Variants in ZNF540 observed in about 807,000 individuals in gnomAD.
ZNF540 encodes zinc finger protein 540.
ZNF540 carries 3 observed loss-of-function variants against 11.8 expected under a neutral mutation model. The ratio of observed to expected loss-of-function variants is 0.25; its 90% CI spans 0.12 to 0.65. The LOEUF (loss-of-function observed/expected upper bound fraction) is 0.65, where lower values mean the gene tolerates loss of function less well. Ranked by LOEUF, ZNF540 falls within the 30% of genes least tolerant of loss-of-function variation. The pLI, the probability that ZNF540 is intolerant of heterozygous loss-of-function variation, is 0.83. For synonymous variants in ZNF540, 247 were observed against 259.0 expected (o/e 0.95, Z 0.45); for missense variants, 709 against 793.1 (o/e 0.89, Z 1.27).
At chr19:37,563,648 C>G (rs188374621) in intron 1 of ZNF540, 2 of 149,936 alleles carry the variant, frequency 1.3e-5, no homozygotes, top group South Asian at 2.1e-4. Flanking sequence ...TATATACACA[C>G]GTGGAATGTA....
At chr19:37,552,788 A>G (rs538745542) in intron 1 of ZNF540, among the ~76,000 whole-genome samples, 81 of 152,122 alleles carry the variant, frequency 5.3e-4, no homozygotes, top group Middle Eastern at 6.8e-3. Context: ...TCTCTACCAA[A>G]AATACAAAAT....
Position 37,598,471 on chromosome 19 carries a change from C to T in ZNF540, c.9+15C>T, listed in dbSNP as rs1174973598. On this transcript the variant is annotated intron_variant, in intron 2 of 4. Coordinates refer to ENST00000316433, the MANE Select transcript of ZNF540 (RefSeq NM_001172225.3). ...CCATGGCCCATGTAAGTCACAGTTT[C>T]TCTTTCCTTTTTAGATTATTTTGTT... 3 of 1,613,650 alleles carry T rather than the reference C, an allele frequency of 1.9e-6. No homozygotes were observed. The highest frequency in any genetic ancestry group is 1.7e-6 in the Non-Finnish European group (2 of 1,179,720).
chr19:37,592,779 C>T (rs1175573585), upstream of ZNF540, among the ~76,000 whole-genome samples: 1 of 152,052 alleles, frequency 6.6e-6, no homozygotes, highest in South Asian at 2.1e-4. Flanking sequence ...TATGAAGGAA[C>T]GGAAAACAAA....
At chr19:37,582,658 T>C (rs1158099888) in intron 1 of ZNF540, among the ~76,000 whole-genome samples, 1 of 152,178 alleles carries the variant, frequency 6.6e-6, no homozygotes, top group Non-Finnish European at 1.5e-5. Flanking sequence ...GCATATCAAA[T>C]ACGTAACTCT....
At chr19:37,574,029 G>A (rs2043158407) in intron 1 of ZNF540, among the ~76,000 whole-genome samples, 2 of 152,138 alleles carry the variant, frequency 1.3e-5, no homozygotes, top group Middle Eastern at 6.8e-3. Flanking sequence ...CTTCACATCT[G>A]TACACATGTA....
intron 1 of ZNF540, chr19:37,597,451 G>A (rs1165275702): frequency 1.3e-5 from 2 of 152,282 alleles, no homozygotes; most frequent in Non-Finnish European, 2.9e-5. Context: ...TTTTGAGACG[G>A]AGTTTCAATC....
chr19:37,570,564 G>C (rs1459172290), intron 1 of ZNF540, among the ~76,000 whole-genome samples: 1 of 152,138 alleles, frequency 6.6e-6, no homozygotes, highest in Non-Finnish European at 1.5e-5. Context: ...GTATTCTGTA[G>C]TCTCTTTGGA....
At position 37,613,400 on chromosome 19, in the gene ZNF540, C is replaced by T. The variant is rs528267969; in HGVS notation, c.*137C>T. 6 of 610,280 alleles carry T rather than the reference C, an allele frequency of 9.8e-6. No homozygotes were observed. The highest frequency in any genetic ancestry group is 1.5e-5 in the Non-Finnish European group (6 of 398,268). 37.8% of individuals were successfully genotyped at this position (610,280 alleles called of 1,614,324 possible). ...TATGAGTCTTAAATACCTCTTAGTT[C>T]TCATTAAATTTAGGAAAATTCACAC... On this transcript the variant is annotated 3_prime_UTR_variant, in exon 5 of 5. Coordinates refer to ENST00000316433, the MANE Select transcript of ZNF540 (RefSeq NM_001172225.3).
intron 1 of ZNF540, chr19:37,583,910 A>C: frequency 1.3e-6 from 2 of 1,517,010 alleles, no homozygotes; most frequent in Non-Finnish European, 1.8e-6. Context: ...TCAGAAATTC[A>C]CAATGAATGA....
chr19:37,565,208 A>T lies in ZNF540; in HGVS notation c.-73+13543A>T, dbSNP rs1290385706. The T allele has an allele frequency of 3.7e-6, 6 of 1,612,822 alleles. No individual in the cohort carries two copies. In the Admixed American group the frequency reaches 8.4e-5, roughly 22 times the overall value. ...TCCGGTATGAATTCTTTGATGTTGA[A>T]TAAGATTAGAATTAGAAATAAAGGC... On this transcript the variant is annotated intron_variant, in intron 1 of 4. Coordinates refer to the ZNF540 transcript ENST00000592533.
At chr19:37,552,378 A>G (rs2042615067) in intron 1 of ZNF540, among the ~76,000 whole-genome samples, 1 of 152,214 alleles carries the variant, frequency 6.6e-6, no homozygotes, top group African/African-American at 2.4e-5. Context: ...ATCAATTACA[A>G]CAAGTTGGCT....
intron 1 of ZNF540, chr19:37,565,715 A>G (rs2042831673): frequency 1.2e-6 from 2 of 1,613,812 alleles, no homozygotes; most frequent in Admixed American, 3.3e-5. Flanking sequence ...ATGTTCAGTG[A>G]GCTGTGAACC....
intron 1 of ZNF540, among the ~76,000 whole-genome samples, chr19:37,580,937 C>T (rs1407061786): frequency 1.3e-5 from 2 of 152,208 alleles, no homozygotes; most frequent in Non-Finnish European, 2.9e-5. Context: ...ACACCTATTA[C>T]ACTTGAATTA....
chr19:37,566,058 T>G, intron 1 of ZNF540: 2 of 1,614,100 alleles, frequency 1.2e-6, no homozygotes, highest in Non-Finnish European at 1.7e-6. Context: ...GTAGAAGAGG[T>G]TGAATGACTT....
intron 3 of ZNF540, 144 bp from the exon 4 acceptor site, chr19:37,600,866 T>C: frequency 3.1e-6 from 2 of 650,724 alleles, no homozygotes; most frequent in South Asian, 4.1e-5. Flanking sequence ...TACACTAAGT[T>C]GAATATTCTT....
At chr19:37,584,922 C>T (rs1343613757) in intron 1 of ZNF540, among the ~76,000 whole-genome samples, 1 of 150,860 alleles carries the variant, frequency 6.6e-6, no homozygotes, top group Non-Finnish European at 1.5e-5. Context: ...CGAGATTGCG[C>T]CACTGCACTC....
chr19:37,591,801 C>T (rs2043876570), upstream of ZNF540, among the ~76,000 whole-genome samples: 2 of 152,094 alleles, frequency 1.3e-5, no homozygotes, highest in Non-Finnish European at 2.9e-5. Flanking sequence ...GCCTCGGCCT[C>T]CCAAAGTGTT....
rs187451205 is a variant in ZNF540, at chr19:37,578,304, A to G, written c.-72-20072A>G. On this transcript the variant is annotated intron_variant, in intron 1 of 4. Coordinates refer to the ZNF540 transcript ENST00000592533. ...GAACAGAGAGACAAGCCAGGCAGCCACCTTCCTGGGACTGGCATGGAGTGG... is the reference window on the plus strand; with the variant it reads ...GAACAGAGAGACAAGCCAGGCAGCCGCCTTCCTGGGACTGGCATGGAGTGG... 8.5e-5 allele frequency among the ~76,000 whole-genome samples: 13 copies of G among 152,224 alleles called. No homozygotes were observed. The East Asian group carries it at 2.5e-3, about 30-fold the overall frequency.
At chr19:37,564,276 T>C (rs989675080) in intron 1 of ZNF540, 3 of 192,726 alleles carry the variant, frequency 1.6e-5, no homozygotes, top group Middle Eastern at 4.2e-3. Flanking sequence ...GAATTATATG[T>C]ATTTAATTAT....
Sources: gnomAD v4.1 joint callset for allele counts (sites outside exome capture counted in the v4.1 genomes callset) on GRCh38, gnomAD v4.1.1 for gene constraint, MANE v1.5 for transcripts, NCBI Gene and HGNC (gene_info 2026-07-23, HGNC 2026-07-21) for gene names.